Variants in ARL10 observed in about 807,000 individuals in gnomAD.
The protein encoded by ARL10 is ADP-ribosylation factor-like protein 10.
Under a neutral mutation model 26.1 loss-of-function variants are expected in ARL10, and 23 were observed. That is an observed-to-expected ratio of 0.88 (90% CI 0.63 to 1.25). The LOEUF (loss-of-function observed/expected upper bound fraction) is 1.25. Ranked by LOEUF, ARL10 falls within the 50% of genes most tolerant of loss-of-function variation. The pLI, the probability that ARL10 is intolerant of heterozygous loss-of-function variation, is 0.00. For synonymous variants in ARL10, 138 were observed against 149.1 expected (o/e 0.93, Z 0.54); for missense variants, 300 against 323.6 (o/e 0.93, Z 0.56).
Position 176,368,897 on chromosome 5 carries a change from T to C in ARL10, c.476T>C (p.Leu159Pro). The C allele has an allele frequency of 1.2e-6, 2 of 1,614,162 alleles. No individual in the cohort carries two copies. The highest frequency in any genetic ancestry group is 1.7e-6 in the Non-Finnish European group (2 of 1,180,036). Residue 159 changes from leucine (L) to proline (P), a missense_variant, in exon 3 of 4, where the codon CTG (leucine) becomes CCG (proline). Leu to Pro is a moderately conservative substitution (Grantham distance 98). Transcript: ENST00000310389. The surrounding 1 kb of genome is among the most constrained non-coding windows in gnomAD (Gnocchi z 4.1). ...LVFVVDSADRLRLPWARQELH... is the reference protein window; with the variant it reads ...LVFVVDSADRPRLPWARQELH... ...TTTGTGGTGGACTCGGCTGACCGAC[T>C]GCGGCTGCCCTGGGCCCGACAGGAG...
chr5:176,392,304 G>A (rs1271259204), downstream of ARL10, among the ~76,000 whole-genome samples: 2 of 152,234 alleles, frequency 1.3e-5, no homozygotes, highest in African/African-American at 2.4e-5. The surrounding 1 kb of genome is among the most constrained non-coding windows in gnomAD (Gnocchi z 5.2). Flanking sequence ...AGCATTCTGC[G>A]AGAGGCTGTC....
At chr5:176,386,978 C>T (rs959991628) in intron 1 of ARL10, 3 of 1,332,524 alleles carry the variant, frequency 2.3e-6, no homozygotes, top group African/African-American at 1.4e-5. Flanking sequence ...TCCTGCTTAT[C>T]CCAACACAAC....
At chr5:176,410,127 G>A in the ARL10 span, 1 of 785,146 alleles carries the variant, frequency 1.3e-6, no homozygotes, top group Non-Finnish European at 2.1e-6. Flanking sequence ...CTTTCTCTAT[G>A]TTTCCACCCC....
At chr5:176,393,347 A>G (rs1257403266), downstream of ARL10, among the ~76,000 whole-genome samples, 1 of 152,192 alleles carries the variant, frequency 6.6e-6, no homozygotes, top group Non-Finnish European at 1.5e-5. This position sits in a 1 kb window ranked among gnomAD's most constrained non-coding sequence, Gnocchi z 4.4. Flanking sequence ...CTAATGCAGG[A>G]CCTTAGCTAT....
downstream of ARL10, chr5:176,386,331 C>T (rs1755841286): frequency 5.4e-6 from 1 of 184,882 alleles, no homozygotes; most frequent in African/African-American, 2.4e-5. Context: ...CCATTCAAAT[C>T]CTTTATCTTT....
rs1232986344 is a variant in ARL10 at position 176,375,131 on chromosome 5, C to CCCAT, written c.*3238_*3239insATCC. On this transcript the variant is annotated 3_prime_UTR_variant, in exon 4 of 4. Transcript: ENST00000310389. ...ATCCCTCCATCCGTCCACCCGTCCACCCGTCCACCCATCCACCCACCCACC... is the reference window on the plus strand; with the variant it reads ...ATCCCTCCATCCGTCCACCCGTCCACCCATCCGTCCACCCATCCACCCACCCACC... The CCCAT allele has an allele frequency of 9.0e-6, 1 of 111,004 alleles. No homozygotes were observed. The highest frequency in any genetic ancestry group is 2.6e-4 in the East Asian group (1 of 3,794). 6.9% of individuals were successfully genotyped at this position (111,004 alleles called of 1,614,324 possible).
chr5:176,381,660 G>C lies in ARL10; in HGVS notation c.*9765G>C, dbSNP rs141996001. 1.8e-4 allele frequency: 27 copies of C among 152,302 alleles called. No homozygotes were observed. Among genetic ancestry groups the C allele is most frequent in the African/African-American group, 5.5e-4 (23 of 41,558 alleles). The allele number at this position is 152,302 out of a possible 1,614,324, so 9.4% of individuals were successfully genotyped here. A position where few individuals can be genotyped will look rare whatever the true frequency, so the allele number is the denominator to read the frequency against. ...GCTGAGATCTGACTACTTGTTACAA[G>C]AGTAGACTCTTACATCAGGTTGCAG... is the stretch of plus-strand genomic sequence containing the variant. On this transcript the variant is annotated 3_prime_UTR_variant, in exon 4 of 4. Coordinates refer to ENST00000310389, the MANE Select transcript of ARL10 (RefSeq NM_173664.6).
In ARL10 at chr5:176,378,447, C is replaced by T. The variant is rs1355292578; in HGVS notation, c.*6552C>T. On this transcript the variant is annotated 3_prime_UTR_variant, in exon 4 of 4. Coordinates refer to ENST00000310389, the MANE Select transcript of ARL10 (RefSeq NM_173664.6). ...GATGGCAACAGGATAGTAGCAAGTT[C>T]ATCCACTTGAGTCTGTTTTTAATAG... is the stretch of plus-strand genomic sequence containing the variant. 1 of 152,216 alleles carries T rather than the reference C, an allele frequency of 6.6e-6. No homozygotes were observed. The highest frequency in any genetic ancestry group is 6.5e-5 in the Admixed American group (1 of 15,286). 9.4% of individuals were successfully genotyped at this position (152,216 alleles called of 1,614,324 possible). A position where few individuals can be genotyped will look rare whatever the true frequency, so the allele number is the denominator to read the frequency against.
downstream of ARL10, among the ~76,000 whole-genome samples, chr5:176,390,587 G>C (rs995063503): frequency 6.6e-6 from 1 of 152,112 alleles, no homozygotes; most frequent in Non-Finnish European, 1.5e-5. Flanking sequence ...GTGCCACCAC[G>C]CCCGGCTAAT....
At chr5:176,365,890 C>T in intron 1 of ARL10, 144 bp downstream of exon 1, 1 of 941,264 alleles carries the variant, frequency 1.1e-6, no homozygotes, top group Non-Finnish European at 1.4e-6. Context: ...AGCGCACAGG[C>T]CCCGCGCGGG....
At chr5:176,398,059 A>C in intron 1 of ARL10, 1 of 1,610,276 alleles carries the variant, frequency 6.2e-7, no homozygotes, top group South Asian at 1.1e-5. Flanking sequence ...TAGAACACAA[A>C]CACGCAGCAG....
chr5:176,394,322 G>A (rs190066474), intron 1 of ARL10, among the ~76,000 whole-genome samples: 209 of 152,308 alleles, frequency 1.4e-3, no homozygotes, highest in Non-Finnish European at 2.3e-3. Flanking sequence ...CCTCCCCACC[G>A]TCCTGCTGAA....
chr5:176,389,097 C>G (rs1047041582), downstream of ARL10: 4 of 1,280,854 alleles, frequency 3.1e-6, no homozygotes, highest in East Asian at 7.1e-5. Flanking sequence ...GACGAGGGGG[C>G]GGGGCGGTGA....
downstream of ARL10, among the ~76,000 whole-genome samples, chr5:176,405,366 G>A (rs1293963170): frequency 6.6e-6 from 1 of 151,622 alleles, no homozygotes; most frequent in Non-Finnish European, 1.5e-5. Context: ...GGCCCTCCCT[G>A]TAGTCCCAGC....
intron 2 of ARL10, 50 bp downstream of exon 2, chr5:176,366,631 C>G (rs773221945): frequency 3.9e-5 from 62 of 1,593,846 alleles, no homozygotes; most frequent in Non-Finnish European, 5.0e-5. Context: ...TGGACCAGTC[C>G]TGGATTCTCT....
intron 1 of ARL10, among the ~76,000 whole-genome samples, chr5:176,401,435 C>A (rs1756810985): frequency 6.6e-6 from 1 of 152,226 alleles, no homozygotes; most frequent in Non-Finnish European, 1.5e-5. Flanking sequence ...TTTCTCTGTG[C>A]CAGCCCATGT....
chr5:176,394,691 T>C (rs1029305415), intron 1 of ARL10, among the ~76,000 whole-genome samples: 8 of 152,222 alleles, frequency 5.3e-5, no homozygotes, highest in Admixed American at 4.6e-4. Flanking sequence ...GGCGGGCACC[T>C]GTAGTCCCAG....
chr5:176,388,569 C>G, exon 2 of ARL10: 1 of 1,573,916 alleles, frequency 6.4e-7, no homozygotes, highest in Non-Finnish European at 8.7e-7. Flanking sequence ...GCAGCTCAAA[C>G]ACGCTGCCTC....
Position 176,378,049 on chromosome 5 carries a change from A to C in ARL10, c.*6154A>C, listed in dbSNP as rs60938824. 40,303 of 152,272 alleles carry C rather than the reference A, an allele frequency of 0.26. 5,788 individuals are homozygous for C. The highest frequency in any genetic ancestry group is 0.53 in the East Asian group (2,758 of 5,186). The allele number at this position is 152,272 out of a possible 1,614,324, so 9.4% of individuals were successfully genotyped here. A position where few individuals can be genotyped will look rare whatever the true frequency, so the allele number is the denominator to read the frequency against. ...AGTGCTGGGGTTATAGGGAAGAGCC[A>C]CCGTGCCTGGCCAAGTGCAAAGCTT... On this transcript the variant is annotated 3_prime_UTR_variant, in exon 4 of 4. Transcript: ENST00000310389.
Sources: gnomAD v4.1 joint callset for allele counts (sites outside exome capture counted in the v4.1 genomes callset) on GRCh38, gnomAD v4.1.1 for gene constraint, Gnocchi (gnomAD v3.1) non-coding constraint, MANE v1.5 for transcripts, NCBI Gene and HGNC (gene_info 2026-07-23, HGNC 2026-07-21) for gene names.